Variants in SLC38A10 observed in about 807,000 individuals in gnomAD.
SLC38A10 encodes the protein solute carrier family 38 member 10.
In SLC38A10, 53 loss-of-function variants were observed where a neutral mutation model predicts 81.0. The observed-to-expected ratio is 0.65, with a 90% CI of 0.53 to 0.82. The LOEUF is 0.82. Among genes scored for constraint, SLC38A10 ranks in the 40% least tolerant of loss-of-function variants. SLC38A10 has a pLI of 0.00. For missense variants in SLC38A10, 1,471 were observed against 1,545.0 expected (o/e 0.95, Z 0.80); for synonymous variants, 665 against 655.3 (o/e 1.01, Z -0.23).
chr17:81,246,468 G>T lies in SLC38A10; in HGVS notation c.2448C>A (p.Gly816=). 3 of 1,572,686 alleles carry T rather than the reference G, an allele frequency of 1.9e-6. No homozygotes were observed. Among genetic ancestry groups the T allele is most frequent in the Non-Finnish European group, 2.6e-6 (3 of 1,160,994 alleles). Residue 816 remains glycine, a synonymous_variant, in exon 16 of 16, where the codon GGC becomes GGA. Coordinates refer to ENST00000374759, the MANE Select transcript of SLC38A10 (RefSeq NM_001037984.3). ...SEGPVGRDPA[G]PPDGGPDTEP... ...CTGTGTCAGGGCCGCCGTCAGGAGG[G>T]CCAGCAGGGTCTCTGCCCACAGGCC...
rs1244745723 is a variant in SLC38A10 at position 81,277,914 on chromosome 17, G to C, written c.627-781C>G. ...CACAGGTGAGAGCTGCTCTGCCATG[G>C]GGCTGAACGAGGACTCTGGAGTGGG... On this transcript the variant is annotated intron_variant, in intron 6 of 15. Coordinates refer to ENST00000374759, the MANE Select transcript of SLC38A10 (RefSeq NM_001037984.3). This position sits in a 1 kb window ranked among gnomAD's most constrained non-coding sequence, Gnocchi z 4.5. 6.6e-6 allele frequency among the ~76,000 whole-genome samples: 1 copy of C among 152,190 alleles called. No homozygotes were observed. The highest frequency in any genetic ancestry group is 1.5e-5 in the Non-Finnish European group (1 of 68,028).
rs2063160572 is a variant in SLC38A10, at chr17:81,276,162, A to G, written c.730-11T>C. On this transcript the variant is annotated splice_polypyrimidine_tract_variant and intron_variant, in intron 7 of 15. Transcript: ENST00000374759. This position sits in a 1 kb window ranked among gnomAD's most constrained non-coding sequence, Gnocchi z 4.7. ...GCCGAAAAACCCCACCTGTTGGAGA[A>G]TAAGAAATGGCAACGTGGCAGACAG... The G allele has an allele frequency of 1.2e-6, 2 of 1,603,964 alleles. No homozygotes were observed. Among genetic ancestry groups the G allele is most frequent in the East Asian group, 4.5e-5 (2 of 44,490 alleles).
chr17:81,258,009 G>T (rs530262544), intron 11 of SLC38A10, among the ~76,000 whole-genome samples: 26 of 152,344 alleles, frequency 1.7e-4, no homozygotes, highest in African/African-American at 5.5e-4. Flanking sequence ...AGCTTTCAAG[G>T]TAACTGTCTT....
intron 5 of SLC38A10, 142 bp from the exon 6 acceptor site, chr17:81,280,875 C>A: frequency 8.1e-7 from 1 of 1,234,888 alleles, no homozygotes. Flanking sequence ...CACCCTGTGC[C>A]GCCCTGTGCC....
intron 11 of SLC38A10, among the ~76,000 whole-genome samples, chr17:81,259,046 C>A (rs1395879555): frequency 6.6e-6 from 1 of 152,236 alleles, no homozygotes; most frequent in Non-Finnish European, 1.5e-5. Flanking sequence ...TATGAGGTGA[C>A]AACGCTGGGA....
rs915609698 is a variant in SLC38A10, at chr17:81,277,799, GGGT to G, written c.627-669_627-667del. Among the ~76,000 whole-genome samples, 1 of 152,232 alleles carries G rather than the reference GGGT, an allele frequency of 6.6e-6. No individual in the cohort carries two copies. Among genetic ancestry groups the G allele is most frequent in the African/African-American group, 2.4e-5 (1 of 41,456 alleles). Reference sequence around the variant, plus strand: ...CACAGGGACCTGGGCCTCTGGAAAGGGGTGGGCGAGACGACAAGGGAGAGGCTG... The same window carrying G: ...CACAGGGACCTGGGCCTCTGGAAAGGGGGCGAGACGACAAGGGAGAGGCTG... On this transcript the variant is annotated intron_variant, in intron 6 of 15. Coordinates refer to ENST00000374759, the MANE Select transcript of SLC38A10 (RefSeq NM_001037984.3). The surrounding 1 kb of genome is among the most constrained non-coding windows in gnomAD (Gnocchi z 4.5).
chr17:81,256,576 T>A (rs911413391), intron 11 of SLC38A10, among the ~76,000 whole-genome samples: 2 of 152,064 alleles, frequency 1.3e-5, no homozygotes, highest in African/African-American at 4.8e-5. Flanking sequence ...ACGGACGGAG[T>A]GCCTCATCCA....
chr17:81,253,125 C>G lies in SLC38A10; in HGVS notation c.1404G>C (p.Arg468=), dbSNP rs989521212. 1.4e-5 allele frequency: 23 copies of G among 1,613,926 alleles called. No homozygotes were observed. The highest frequency in any genetic ancestry group is 1.9e-5 in the Non-Finnish European group (23 of 1,180,046). Residue 468 remains arginine (R), a synonymous_variant, in exon 12 of 16, where the codon CGG becomes CGC. Coordinates refer to ENST00000374759, the MANE Select transcript of SLC38A10 (RefSeq NM_001037984.3). This position sits in a 1 kb window ranked among gnomAD's most constrained non-coding sequence, Gnocchi z 4.1. ...QIKGPVDVPG[R]EDGKEAPEEA... ...CCTCCGGTGCCTCCTTGCCATCTTC[C>G]CGTCCAGGCACATCCACGGGCCCCT...
At chr17:81,247,790 G>A (rs1055901719) in intron 14 of SLC38A10, among the ~76,000 whole-genome samples, 2 of 151,876 alleles carry the variant, frequency 1.3e-5, no homozygotes, top group East Asian at 1.9e-4. Flanking sequence ...GCAGTGAGCC[G>A]TGATCACACC....
rs2063209511 is a variant in SLC38A10 at position 81,281,179 on chromosome 17, C to T, written c.502-446G>A. Among the ~76,000 whole-genome samples the T allele has an allele frequency of 6.6e-6, 1 of 152,190 alleles. No homozygotes were observed. The highest frequency in any genetic ancestry group is 1.5e-5 in the Non-Finnish European group (1 of 68,046). On this transcript the variant is annotated intron_variant, in intron 5 of 15. Coordinates refer to ENST00000374759, the MANE Select transcript of SLC38A10 (RefSeq NM_001037984.3). This position sits in a 1 kb window ranked among gnomAD's most constrained non-coding sequence, Gnocchi z 5.3. ...GGCTGTCTCAAGAGTAAAGAGGTAG[C>T]TGCCACTGGGCTGGCCCTCACTCGG... is the stretch of plus-strand genomic sequence containing the variant.
chr17:81,246,502 T>C lies in SLC38A10; in HGVS notation c.2414A>G (p.His805Arg). 2.0e-6 allele frequency: 3 copies of C among 1,537,288 alleles called. No individual in the cohort carries two copies. The highest frequency in any genetic ancestry group is 2.6e-6 in the Non-Finnish European group (3 of 1,145,106). ...GTCTCTGCCCACAGGCCCCTCAGAG[T>C]GCTCCAGGGAGCGCTGGTTAAGGTC... ...SQDLNQRSLE[H>R]SEGPVGRDPA... Residue 805 changes from histidine (H) to arginine (R), a missense_variant, in exon 16 of 16, where the codon CAC (histidine) becomes CGC (arginine). Physicochemically the swap from His to Arg is conservative, Grantham distance 29 (BLOSUM62 0). Coordinates refer to ENST00000374759, the MANE Select transcript of SLC38A10 (RefSeq NM_001037984.3).
intron 13 of SLC38A10, 147 bp downstream of exon 13, chr17:81,252,048 G>A (rs953388743): frequency 1.8e-5 from 21 of 1,191,230 alleles, no homozygotes; most frequent in Non-Finnish European, 2.4e-5. Flanking sequence ...CCCACCAGCT[G>A]CCGGGGCCCG....
chr17:81,277,385 G>A lies in SLC38A10; in HGVS notation c.627-252C>T, dbSNP rs146387750. Among the ~76,000 whole-genome samples, 89 of 152,342 alleles carry A rather than the reference G, an allele frequency of 5.8e-4. No homozygotes were observed. Among genetic ancestry groups the A allele is most frequent in the East Asian group, 1.9e-3 (10 of 5,176 alleles). On this transcript the variant is annotated intron_variant, in intron 6 of 15. Coordinates refer to ENST00000374759, the MANE Select transcript of SLC38A10 (RefSeq NM_001037984.3). This position sits in a 1 kb window ranked among gnomAD's most constrained non-coding sequence, Gnocchi z 4.5. ...CGAACATTCCCCAAGGCTACAGAAC[G>A]ACAGGCTGCTGCTCCACGCCAGGGA... is the stretch of plus-strand genomic sequence containing the variant.
Position 81,277,115 on chromosome 17 carries a change from G to A in SLC38A10, c.645C>T (p.Tyr215=), listed in dbSNP as rs772107638. Residue 215 remains tyrosine, a synonymous_variant, in exon 7 of 16, where the codon TAC becomes TAT. Coordinates refer to ENST00000374759, the MANE Select transcript of SLC38A10 (RefSeq NM_001037984.3). This position sits in a 1 kb window ranked among gnomAD's most constrained non-coding sequence, Gnocchi z 4.5. ...FACQSQVLPT[Y]DSLDEPSVKT... is the part of the protein sequence containing the mutation. ...TCACTGACGGCTCATCCAGGCTGTC[G>A]TAGGTGGGCAGCACCTGGCTGTATA... The A allele has an allele frequency of 1.7e-5, 27 of 1,613,818 alleles. No individual in the cohort carries two copies. The Admixed American group carries it at 1.8e-4, about 11-fold the overall frequency.
At position 81,251,884 on chromosome 17, in the gene SLC38A10, A is replaced by G. The variant is rs561358891; in HGVS notation, c.1946-272T>C. The G allele has an allele frequency of 1.9e-5, 10 of 515,908 alleles. No homozygotes were observed. The East Asian group carries it at 3.2e-4, about 17-fold the overall frequency. The allele number at this position is 515,908 out of a possible 1,614,324, so 32.0% of individuals were successfully genotyped here. A position where few individuals can be genotyped will look rare whatever the true frequency, so the allele number is the denominator to read the frequency against. ...TGTCCTAAGCAGCTCTTAGACGGGC[A>G]CTTAACAACGTGTTACCTGTCAGGC... On this transcript the variant is annotated intron_variant, in intron 13 of 15. Transcript: ENST00000374759.
rs2146953252 is a variant in SLC38A10, at chr17:81,286,187, C to T, written c.218-1292G>A. ...CCGGAAGCAACAAAACACGGCGCTC[C>T]AAACATGAAGTTGCTCCTGGCCATA... On this transcript the variant is annotated intron_variant, in intron 2 of 15. Transcript: ENST00000374759. The surrounding 1 kb of genome is among the most constrained non-coding windows in gnomAD (Gnocchi z 6.0). 6.6e-6 allele frequency among the ~76,000 whole-genome samples: 1 copy of T among 152,338 alleles called. No homozygotes were observed. Among genetic ancestry groups the T allele is most frequent in the Non-Finnish European group, 1.5e-5 (1 of 68,028 alleles).
At chr17:81,294,658 C>G (rs574496249) in intron 1 of SLC38A10, among the ~76,000 whole-genome samples, 165 bp downstream of exon 1, 1 of 152,344 alleles carries the variant, frequency 6.6e-6, no homozygotes, top group Non-Finnish European at 1.5e-5. Context: ...TCCACGGATT[C>G]TCTACGGGAA....
chr17:81,262,235 G>A (rs537920352), intron 10 of SLC38A10, among the ~76,000 whole-genome samples: 6 of 152,252 alleles, frequency 3.9e-5, no homozygotes, highest in Middle Eastern at 3.4e-3. Flanking sequence ...CCCCTCCTAC[G>A]CCAGAGCTGC....
chr17:81,245,764 C>T lies in SLC38A10; in HGVS notation c.3152G>A (p.Arg1051Lys). The part of the protein sequence containing the change: ...LKLQAGSDLR[R>K]RRRDLGPHAE... ...ATGAGGGCCAAGGTCCCGCCGTCGC[C>T]TCCGGAGGTCGGAGCCAGCCTGCAG... Residue 1051 changes from arginine to lysine, a missense_variant, in exon 16 of 16, where the codon AGG becomes AAG. By Grantham distance (26) the Arg-to-Lys change is conservative (BLOSUM62 2). This residue lies in a region of SLC38A10 where 751 missense variants were observed against 717.4 expected (regional missense o/e 1.05). Transcript: ENST00000374759. The T allele has an allele frequency of 6.3e-7, 1 of 1,596,658 alleles. No homozygotes were observed. The highest frequency in any genetic ancestry group is 8.6e-7 in the Non-Finnish European group (1 of 1,167,544).
Sources: gnomAD v4.1 joint callset for allele counts (sites outside exome capture counted in the v4.1 genomes callset) on GRCh38, gnomAD v4.1.1 for gene constraint, gnomAD v4.1.1 regional missense constraint, Gnocchi (gnomAD v3.1) non-coding constraint, MANE v1.5 for transcripts, NCBI Gene and HGNC (gene_info 2026-07-23, HGNC 2026-07-21) for gene names.